FNTB: variants seen among roughly 807,000 people sequenced by gnomAD.
FNTB encodes protein farnesyltransferase subunit beta.
FNTB carries 27 observed loss-of-function variants against 59.4 expected under a neutral mutation model. The ratio of observed to expected loss-of-function variants is 0.45; its 90% CI spans 0.34 to 0.63. FNTB has a LOEUF of 0.63. Ranked by LOEUF, FNTB falls within the 20% of genes least tolerant of loss-of-function variation. FNTB has a pLI of 0.02. For synonymous variants in FNTB, 230 were observed against 220.7 expected, an observed-to-expected ratio of 1.04 and a Z score of -0.37; for missense variants, 449 against 559.6, an observed-to-expected ratio of 0.80 and a Z score of 1.99.
chr14:65,059,854 G>A (rs972818861), intron 11 of FNTB, among the ~76,000 whole-genome samples: 6 of 49,752 alleles, frequency 1.2e-4, no homozygotes, highest in Non-Finnish European at 2.2e-4. Flanking sequence ...TTTTTTTTTT[G>A]AGACAGAGTC....
chr14:65,032,487 A>C lies in FNTB; in HGVS notation c.606-123A>C. The C allele has an allele frequency of 1.0e-6, 1 of 989,698 alleles. No homozygotes were observed. Among genetic ancestry groups the C allele is most frequent in the South Asian group, 1.8e-5 (1 of 56,636 alleles). The allele number at this position is 989,698 out of a possible 1,614,324, so 61.3% of individuals were successfully genotyped here. On this transcript the variant is annotated intron_variant, in intron 6 of 11. Transcript: ENST00000246166. This position sits in a 1 kb window ranked among gnomAD's most constrained non-coding sequence, Gnocchi z 5.0. ...GACCCAGGAGGACTGACCGTGTGCC[A>C]AGAGTGAGGACAGGAGGTGATTACA...
At chr14:65,051,007 T>C (rs147677151) in intron 9 of FNTB, among the ~76,000 whole-genome samples, 286 of 152,366 alleles carry the variant, frequency 1.9e-3, no homozygotes, top group African/African-American at 6.5e-3. Context: ...CAAAGTTCAC[T>C]GTGCTTACAG....
intron 11 of FNTB, among the ~76,000 whole-genome samples, chr14:65,060,869 T>C (rs1468880938): frequency 2.3e-5 from 1 of 42,966 alleles, no homozygotes; most frequent in Non-Finnish European, 3.7e-5. Context: ...CAAGACTCTC[T>C]CAAAAAAAAA....
At chr14:64,987,216 C>A in intron 1 of FNTB, 119 bp downstream of exon 1, 2 of 1,244,446 alleles carry the variant, frequency 1.6e-6, no homozygotes, top group Non-Finnish European at 2.2e-6. Context: ...CAGCGCACCG[C>A]GGTGCCTTTC....
At chr14:65,010,230 T>C (rs954272737) in intron 2 of FNTB, among the ~76,000 whole-genome samples, 1 of 152,172 alleles carries the variant, frequency 6.6e-6, no homozygotes, top group African/African-American at 2.4e-5. Context: ...CTCTCCTGTT[T>C]CTCTCCTTCA....
intron 11 of FNTB, among the ~76,000 whole-genome samples, chr14:65,059,837 CTTTT>C (rs34459085): frequency 2.2e-5 from 3 of 134,242 alleles, no homozygotes; most frequent in Non-Finnish European, 4.8e-5. Flanking sequence ...GTCCTTTTTT[CTTTT>C]TTTTTTTTTT....
At chr14:65,017,682 T>C (rs565013316) in intron 4 of FNTB, among the ~76,000 whole-genome samples, 1 of 152,130 alleles carries the variant, frequency 6.6e-6, no homozygotes, top group Non-Finnish European at 1.5e-5. Context: ...AAGCTGGGTG[T>C]GGTGGCTCAC....
At chr14:65,025,115 A>G (rs567483978) in intron 4 of FNTB, among the ~76,000 whole-genome samples, 120 of 151,584 alleles carry the variant, frequency 7.9e-4, no homozygotes, top group African/African-American at 2.8e-3. Context: ...GAGAAGCCCA[A>G]CCTCCAGTTC....
chr14:64,999,951 T>TAA (rs1171113916), intron 1 of FNTB, among the ~76,000 whole-genome samples: 89 of 152,202 alleles, frequency 5.8e-4, no homozygotes, highest in Non-Finnish European at 1.0e-3. Context: ...TTCCATGTTT[T>TAA]TGTCAGGTGT....
intron 4 of FNTB, among the ~76,000 whole-genome samples, chr14:65,025,508 T>A (rs1055287032): frequency 2.6e-5 from 4 of 152,150 alleles, no homozygotes; most frequent in African/African-American, 9.7e-5. Flanking sequence ...CTACAGAAAT[T>A]AATTGCTGTT....
intron 9 of FNTB, 156 bp from the exon 10 acceptor site, chr14:65,053,082 G>A (rs538106721): frequency 3.4e-4 from 155 of 460,810 alleles, no homozygotes; most frequent in Non-Finnish European, 3.9e-4. Context: ...CATGCTGTGC[G>A]TAGGACATGG....
chr14:65,058,562 C>T (rs2062793943), intron 11 of FNTB, among the ~76,000 whole-genome samples: 2 of 152,122 alleles, frequency 1.3e-5, no homozygotes, highest in African/African-American at 2.4e-5. Flanking sequence ...CTTTTTATAA[C>T]CTGATCATTA....
rs112902587 is a variant in FNTB at position 64,996,987 on chromosome 14, A to T, written c.145-7262A>T. On this transcript the variant is annotated intron_variant, in intron 1 of 11. Coordinates refer to ENST00000246166, the MANE Select transcript of FNTB (RefSeq NM_002028.4). ...ATTTGTGTTTTTAAAAATTCACATA[A>T]ATTGTCACACTGTCATTTTGCCTTT... Among the ~76,000 whole-genome samples the T allele has an allele frequency of 5.0e-3, 757 of 152,134 alleles. 1 individual carries two copies. The highest frequency in any genetic ancestry group is 7.7e-3 in the Non-Finnish European group (524 of 67,998).
At chr14:65,057,754 T>C (rs2062770121) in intron 11 of FNTB, among the ~76,000 whole-genome samples, 1 of 152,236 alleles carries the variant, frequency 6.6e-6, no homozygotes, top group South Asian at 2.1e-4. Context: ...TTGGATATAA[T>C]GTTATCTTTT....
rs1888336953 is a variant in FNTB, at chr14:64,994,899, C to T, written c.144+7802C>T. Among the ~76,000 whole-genome samples, 2 of 152,156 alleles carry T rather than the reference C, an allele frequency of 1.3e-5. No individual in the cohort carries two copies. Among genetic ancestry groups the T allele is most frequent in the South Asian group, 4.1e-4 (2 of 4,830 alleles). Reference sequence around the variant, plus strand: ...TCTTTCAATAATAAATTAAACCTAGCTTACTGTAAATTATTTACTTCATGA... The same window carrying T: ...TCTTTCAATAATAAATTAAACCTAGTTTACTGTAAATTATTTACTTCATGA... On this transcript the variant is annotated intron_variant, in intron 1 of 11. Transcript: ENST00000246166. This position sits in a 1 kb window ranked among gnomAD's most constrained non-coding sequence, Gnocchi z 4.2.
chr14:65,026,173 A>AT (rs2061977055), intron 4 of FNTB, among the ~76,000 whole-genome samples: 1 of 152,206 alleles, frequency 6.6e-6, no homozygotes, highest in Admixed American at 6.5e-5. Context: ...CTTGTTGTAA[A>AT]TGGAGGTTTC....
chr14:65,061,253 C>G lies in FNTB; in HGVS notation c.1255C>G (p.Pro419Ala). ...IQATTYFLQK[P>A]VPGFEELKDE... The stretch of plus-strand genomic sequence containing the variant: ...GGCCACTACATACTTTCTACAGAAG[C>G]CAGTCCCAGGTTTTGAGGAGCTTAA... Residue 419 changes from proline to alanine, a missense_variant, in exon 12 of 12, where the codon CCA (proline) becomes GCA (alanine). Pro to Ala is a conservative substitution (Grantham distance 27). Around this residue, in one of 2 missense-constraint regions of FNTB, gnomAD observed 337 missense variants for 479.1 expected, o/e 0.70. Coordinates refer to ENST00000246166, the MANE Select transcript of FNTB (RefSeq NM_002028.4). The G allele has an allele frequency of 1.2e-6, 2 of 1,614,178 alleles. No homozygotes were observed. Among genetic ancestry groups the G allele is most frequent in the East Asian group, 4.5e-5 (2 of 44,880 alleles).
chr14:64,998,893 T>G lies in FNTB; in HGVS notation c.145-5356T>G, dbSNP rs1014074437. Among the ~76,000 whole-genome samples, 6 of 152,192 alleles carry G rather than the reference T, an allele frequency of 3.9e-5. No homozygotes were observed. The South Asian group carries it at 1.2e-3, about 31-fold the overall frequency. On this transcript the variant is annotated intron_variant, in intron 1 of 11. Coordinates refer to ENST00000246166, the MANE Select transcript of FNTB (RefSeq NM_002028.4). Reference sequence around the variant, plus strand: ...TGACTCATAGCAGCATTATTCATAATAGCCAAAAAATGGAAACAGCCAAAT... The same window carrying G: ...TGACTCATAGCAGCATTATTCATAAGAGCCAAAAAATGGAAACAGCCAAAT...
At position 65,054,677 on chromosome 14, in the gene FNTB, C is replaced by T. The variant is rs759157335; in HGVS notation, c.1170C>T (p.Pro390=). Residue 390 remains proline (P), a synonymous_variant, in exon 11 of 12, where the codon CCC becomes CCT. Transcript: ENST00000246166. The surrounding 1 kb of genome is among the most constrained non-coding windows in gnomAD (Gnocchi z 4.4). ...TGCATGATGTGGTCCTGGGTGTGCC[C>T]GAAAACGCTCTGGTAAGACGGGTGC... ...AMLHDVVLGV[P]ENALQPTHPV... The T allele has an allele frequency of 1.4e-5, 23 of 1,610,134 alleles. No individual in the cohort carries two copies. Among genetic ancestry groups the T allele is most frequent in the South Asian group, 8.9e-5 (8 of 90,156 alleles).
Sources: allele counts gnomAD v4.1 joint callset (sites outside exome capture counted in the v4.1 genomes callset), GRCh38; gene constraint gnomAD v4.1.1; regional missense constraint gnomAD v4.1.1; non-coding constraint Gnocchi (gnomAD v3.1); transcripts MANE v1.5; gene names NCBI Gene and HGNC (gene_info 2026-07-23, HGNC 2026-07-21).